The following HIPK3 variants were observed in gnomAD, a reference collection of about 807,000 sequenced individuals.
The protein encoded by HIPK3 is homeodomain interacting protein kinase 3, also known as homeodomain-interacting protein kinase 3.
In HIPK3, 47 loss-of-function variants were observed where a neutral mutation model predicts 124.2. The ratio of observed to expected loss-of-function variants is 0.38; its 90% CI spans 0.30 to 0.48. HIPK3 has a LOEUF of 0.48. Among genes scored for constraint, HIPK3 ranks in the 20% least tolerant of loss-of-function variants. The pLI is 0.98. For missense variants in HIPK3, 1,286 were observed against 1,454.3 expected (o/e 0.88, Z 1.88); for synonymous variants, 482 against 515.2 (o/e 0.94, Z 0.87).
chr11:33,356,576 A>T lies in HIPK3; in HGVS notation c.*3008A>T, dbSNP rs913814034. On this transcript the variant is annotated 3_prime_UTR_variant, in exon 17 of 17. Transcript: ENST00000303296. ...ATTAGCAAAACATTTTCATTTTTAA[A>T]ATCTGCTAATTTTAAACTTGGACTG... 6 of 152,044 alleles carry T rather than the reference A, an allele frequency of 3.9e-5. No homozygotes were observed. The highest frequency in any genetic ancestry group is 1.4e-4 in the African/African-American group (6 of 41,442). The allele number at this position is 152,044 out of a possible 1,614,324, so 9.4% of individuals were successfully genotyped here.
At position 33,257,818 on chromosome 11, in the gene HIPK3, C is replaced by T. The variant is rs558232317; in HGVS notation, c.-74C>T. 2 of 986,468 alleles carry T rather than the reference C, an allele frequency of 2.0e-6. No individual in the cohort carries two copies. The highest frequency in any genetic ancestry group is 2.4e-6 in the Non-Finnish European group (2 of 830,802). 61.1% of individuals were successfully genotyped at this position (986,468 alleles called of 1,614,324 possible). Reference sequence around the variant, plus strand: ...GCCTGGCTCCCGGTCCCCGGCACGGCCCTGCGCCCCACCCCGGACATGCTC... The same window carrying T: ...GCCTGGCTCCCGGTCCCCGGCACGGTCCTGCGCCCCACCCCGGACATGCTC... On this transcript the variant is annotated 5_prime_UTR_variant, in exon 1 of 17. Transcript: ENST00000303296.
At chr11:33,266,058 C>CAAAA (rs541701602) in intron 1 of HIPK3, among the ~76,000 whole-genome samples, 1 of 49,634 alleles carries the variant, frequency 2.0e-5, no homozygotes. Context: ...GACTCCATCT[C>CAAAA]AAAAAAAAAA....
chr11:33,293,695 T>C (rs1284465521), intron 2 of HIPK3, among the ~76,000 whole-genome samples: 1 of 152,190 alleles, frequency 6.6e-6, no homozygotes, highest in Non-Finnish European at 1.5e-5. Context: ...TAAAATTGTG[T>C]CAATGAAAAG....
intron 2 of HIPK3, among the ~76,000 whole-genome samples, chr11:33,290,143 T>C (rs1158538311): frequency 6.6e-6 from 1 of 152,178 alleles, no homozygotes; most frequent in Non-Finnish European, 1.5e-5. Flanking sequence ...TTGATAGACT[T>C]TCATTCTTTT....
Position 33,257,809 on chromosome 11 carries a change from C to T in HIPK3, c.-83C>T, listed in dbSNP as rs939575983. 8.1e-6 allele frequency: 8 copies of T among 986,620 alleles called. No individual in the cohort carries two copies. Among genetic ancestry groups the T allele is most frequent in the Non-Finnish European group, 4.8e-6 (4 of 831,012 alleles). 61.1% of individuals were successfully genotyped at this position (986,620 alleles called of 1,614,324 possible). On this transcript the variant is annotated 5_prime_UTR_variant, in exon 1 of 17. Transcript: ENST00000303296. Reference sequence around the variant, plus strand: ...TGCTGAAGCGCCTGGCTCCCGGTCCCCGGCACGGCCCTGCGCCCCACCCCG... The same window carrying T: ...TGCTGAAGCGCCTGGCTCCCGGTCCTCGGCACGGCCCTGCGCCCCACCCCG...
At position 33,338,423 on chromosome 11, in the gene HIPK3, G is replaced by A. The variant is rs266473; in HGVS notation, c.1342-334G>A. On this transcript the variant is annotated intron_variant, in intron 4 of 16. Transcript: ENST00000303296. ...TGATTTTTGTATTTTTAGTAGAGAC[G>A]GGGTTTCACCATGTTGACCAGGATG... Among the ~76,000 whole-genome samples, 566 of 151,756 alleles carry A rather than the reference G, an allele frequency of 3.7e-3. 1 individual carries two copies. The highest frequency in any genetic ancestry group is 0.013 in the African/African-American group (528 of 41,332).
At position 33,355,390 on chromosome 11, in the gene HIPK3, T is replaced by C. The variant is rs79556626; in HGVS notation, c.*1822T>C. The stretch of plus-strand genomic sequence containing the variant: ...TATCAGTGTAACTTAATTTTTTATT[T>C]TCATACTGGCATTGTAGACACTTGA... On this transcript the variant is annotated 3_prime_UTR_variant, in exon 17 of 17. Transcript: ENST00000303296. 1.3e-5 allele frequency: 2 copies of C among 152,198 alleles called. No individual in the cohort carries two copies. Among genetic ancestry groups the C allele is most frequent in the Non-Finnish European group, 2.9e-5 (2 of 67,906 alleles). 9.4% of individuals were successfully genotyped at this position (152,198 alleles called of 1,614,324 possible). A position where few individuals can be genotyped will look rare whatever the true frequency, so the allele number is the denominator to read the frequency against.
intron 2 of HIPK3, among the ~76,000 whole-genome samples, chr11:33,310,664 T>C (rs556654126): frequency 6.6e-6 from 1 of 152,334 alleles, no homozygotes; most frequent in East Asian, 1.9e-4. Flanking sequence ...ATTCCTCAGT[T>C]ACATTAGCCA....
At chr11:33,329,104 T>C (rs1852896626) in intron 3 of HIPK3, among the ~76,000 whole-genome samples, 1 of 152,194 alleles carries the variant, frequency 6.6e-6, no homozygotes, top group East Asian at 1.9e-4. Flanking sequence ...TGAAATTCTC[T>C]TTTAGCACTG....
intron 3 of HIPK3, among the ~76,000 whole-genome samples, chr11:33,335,442 T>C (rs1315134034): frequency 1.3e-5 from 2 of 152,234 alleles, no homozygotes; most frequent in Admixed American, 1.3e-4. Context: ...TAGCCATTAG[T>C]ATCAAAGTAA....
At chr11:33,276,679 C>T (rs987559142) in intron 1 of HIPK3, among the ~76,000 whole-genome samples, 1 of 151,832 alleles carries the variant, frequency 6.6e-6, no homozygotes, top group Non-Finnish European at 1.5e-5. Context: ...CTAAAATGAT[C>T]GTATTTTTGT....
intron 8 of HIPK3, among the ~76,000 whole-genome samples, chr11:33,346,154 C>T (rs571774569): frequency 3.7e-4 from 56 of 152,276 alleles, no homozygotes; most frequent in Admixed American, 3.3e-3. Context: ...TGTGATACTA[C>T]TTTGCTCTCT....
chr11:33,292,050 G>GT (rs771044041), intron 2 of HIPK3, among the ~76,000 whole-genome samples: 1 of 152,108 alleles, frequency 6.6e-6, no homozygotes, highest in Non-Finnish European at 1.5e-5. Context: ...AGGAAGACCC[G>GT]TAAAATAACG....
At chr11:33,305,720 T>C (rs1487867558) in intron 2 of HIPK3, among the ~76,000 whole-genome samples, 3 of 152,272 alleles carry the variant, frequency 2.0e-5, no homozygotes, top group Non-Finnish European at 4.4e-5. Flanking sequence ...GAGTTATTTG[T>C]TAATCACCAA....
At chr11:33,335,706 G>C (rs1853123094) in intron 3 of HIPK3, 1 of 152,058 alleles carries the variant, frequency 6.6e-6, no homozygotes, top group Non-Finnish European at 1.5e-5. Context: ...AGAGCTCAGA[G>C]GGAGGAAGAA....
chr11:33,276,031 T>C (rs978830106), intron 1 of HIPK3, among the ~76,000 whole-genome samples: 1 of 152,226 alleles, frequency 6.6e-6, no homozygotes, highest in African/African-American at 2.4e-5. Context: ...TTGTTTTCTG[T>C]TTAACTTATC....
intron 2 of HIPK3, among the ~76,000 whole-genome samples, chr11:33,317,053 C>T (rs1193065069): frequency 1.3e-5 from 2 of 152,054 alleles, no homozygotes; most frequent in Admixed American, 6.6e-5. Context: ...TTGCTGCAAC[C>T]TCCGCCTCCT....
chr11:33,317,875 A>G (rs567762143), intron 2 of HIPK3, among the ~76,000 whole-genome samples: 201 of 152,328 alleles, frequency 1.3e-3, no homozygotes, highest in Admixed American at 2.4e-3. Context: ...GGTCACATCC[A>G]CTGTTGAGCT....
intron 1 of HIPK3, among the ~76,000 whole-genome samples, chr11:33,271,204 G>A (rs765733130): frequency 1.1e-4 from 17 of 152,078 alleles, no homozygotes; most frequent in East Asian, 5.8e-4. Context: ...ATGTTTTGGC[G>A]TATTTCATCA....
Sources: gnomAD v4.1 joint callset for allele counts (sites outside exome capture counted in the v4.1 genomes callset) on GRCh38, gnomAD v4.1.1 for gene constraint, MANE v1.5 for transcripts, NCBI Gene and HGNC (gene_info 2026-07-23, HGNC 2026-07-21) for gene names.